SIM2: variants seen among roughly 807,000 people sequenced by gnomAD.
The protein encoded by SIM2 is single-minded homolog 2.
SIM2 carries 28 observed loss-of-function variants against 64.8 expected under a neutral mutation model. That is an observed-to-expected ratio of 0.43 (90% CI 0.32 to 0.59). SIM2 has a LOEUF of 0.59. Among genes scored for constraint, SIM2 ranks in the 20% least tolerant of loss-of-function variants. The probability of loss-of-function intolerance (pLI) is 0.07; values close to 1 mark genes in which losing one functional copy is unlikely to be tolerated. For missense variants in SIM2, 847 were observed against 871.4 expected, an observed-to-expected ratio of 0.97 and a Z score of 0.35; for synonymous variants, 408 against 391.1, an observed-to-expected ratio of 1.04 and a Z score of -0.51.
chr21:36,744,185 C>CAGTG (rs1027947429), intron 9 of SIM2, among the ~76,000 whole-genome samples: 1 of 151,934 alleles, frequency 6.6e-6, no homozygotes, highest in African/African-American at 2.4e-5. Context: ...TGAGCTGAGA[C>CAGTG]AGTGCCACTG....
At chr21:36,708,151 C>T (rs1472934769) in intron 1 of SIM2, among the ~76,000 whole-genome samples, 1 of 152,230 alleles carries the variant, frequency 6.6e-6, no homozygotes, top group Non-Finnish European at 1.5e-5. Flanking sequence ...CCACCAGCCA[C>T]GGCGCTTAGT....
Position 36,747,811 on chromosome 21 carries a change from C to G in SIM2, c.1723C>G (p.Arg575Gly). 3.9e-6 allele frequency: 4 copies of G among 1,032,074 alleles called. No individual in the cohort carries two copies. Among genetic ancestry groups the G allele is most frequent in the Non-Finnish European group, 4.6e-6 (4 of 863,990 alleles). The allele number at this position is 1,032,074 out of a possible 1,614,324, so 63.9% of individuals were successfully genotyped here. ...GGACGGGGCGCGGCTGGCGCTGGCC[C>G]GCGCGGCACCCGAGTGCTGCGCGCC... ...ARDGARLALA[R>G]AAPECCAPPT... The change falls in exon 11 of 11, where the codon CGC (arginine) becomes GGC (glycine). Residue 575 changes from arginine (R) to glycine (G), a missense_variant. Around this residue, in one of 3 missense-constraint regions of SIM2, gnomAD observed 447 missense variants for 414.6 expected, o/e 1.08. Transcript: ENST00000290399. The surrounding 1 kb of genome is among the most constrained non-coding windows in gnomAD (Gnocchi z 4.5).
intron 7 of SIM2, among the ~76,000 whole-genome samples, chr21:36,732,745 C>T (rs547242991): frequency 6.6e-6 from 1 of 152,160 alleles, no homozygotes; most frequent in African/African-American, 2.4e-5. Flanking sequence ...GCTTAGTGTT[C>T]GGATGGAACT....
intron 6 of SIM2, 100 bp from the exon 7 acceptor site, chr21:36,730,945 G>A (rs2088958566): frequency 3.7e-6 from 3 of 805,932 alleles, no homozygotes; most frequent in African/African-American, 1.7e-5. Context: ...TTTCCCGCCT[G>A]AGCCTTTTAG....
At position 36,699,175 on chromosome 21, in the gene SIM2, G is replaced by C. The variant is rs1400162104; in HGVS notation, c.-572G>C. 1 of 151,322 alleles carries C rather than the reference G, an allele frequency of 6.6e-6. No homozygotes were observed. The highest frequency in any genetic ancestry group is 1.5e-5 in the Non-Finnish European group (1 of 67,798). 9.4% of individuals were successfully genotyped at this position (151,322 alleles called of 1,614,324 possible). A position where few individuals can be genotyped will look rare whatever the true frequency, so the allele number is the denominator to read the frequency against. ...GAGGTGCTGCGCCTAGCCACACATC[G>C]CGGGCTCCGGCGCTGCGTCTCCAGG... On this transcript the variant is annotated 5_prime_UTR_variant, in exon 1 of 11. Coordinates refer to ENST00000290399, the MANE Select transcript of SIM2 (RefSeq NM_005069.6). This position sits in a 1 kb window ranked among gnomAD's most constrained non-coding sequence, Gnocchi z 5.6.
In SIM2 at chr21:36,748,515, G is replaced by C. The variant is rs1257860042; in HGVS notation, c.*423G>C. ...CTCTTCCAAGTGGACGGCAGACCTG[G>C]GAGGGGACGCCTGTGTCACGAGCCC... On this transcript the variant is annotated 3_prime_UTR_variant, in exon 11 of 11. Coordinates refer to ENST00000290399, the MANE Select transcript of SIM2 (RefSeq NM_005069.6). 1 of 152,408 alleles carries C rather than the reference G, an allele frequency of 6.6e-6. No homozygotes were observed. The highest frequency in any genetic ancestry group is 2.4e-5 in the African/African-American group (1 of 41,492). 9.4% of individuals were successfully genotyped at this position (152,408 alleles called of 1,614,324 possible).
At position 36,749,768 on chromosome 21, in the gene SIM2, A is replaced by G. The variant is rs1427129972; in HGVS notation, c.*1676A>G. 6.6e-6 allele frequency: 1 copy of G among 152,140 alleles called. No individual in the cohort carries two copies. Among genetic ancestry groups the G allele is most frequent in the Non-Finnish European group, 1.5e-5 (1 of 68,028 alleles). The allele number at this position is 152,140 out of a possible 1,614,324, so 9.4% of individuals were successfully genotyped here. On this transcript the variant is annotated 3_prime_UTR_variant, in exon 11 of 11. Transcript: ENST00000290399. ...TTGATTACTAGGAGATACCACCGAC[A>G]TTTTTCAATAAAGTACTGCAAAATG...
At chr21:36,706,571 C>T (rs1013282314) in intron 1 of SIM2, among the ~76,000 whole-genome samples, 1 of 152,240 alleles carries the variant, frequency 6.6e-6, no homozygotes, top group South Asian at 2.1e-4. Context: ...GCCTCACTTT[C>T]GTGGGAGTGT....
intron 1 of SIM2, among the ~76,000 whole-genome samples, chr21:36,707,792 C>T (rs2088606558): frequency 6.6e-6 from 1 of 151,812 alleles, no homozygotes. Context: ...CCACTCGTGG[C>T]TGCCCGCTTG....
At position 36,749,218 on chromosome 21, in the gene SIM2, C is replaced by G. The variant is rs924408863; in HGVS notation, c.*1126C>G. On this transcript the variant is annotated 3_prime_UTR_variant, in exon 11 of 11. Transcript: ENST00000290399. ...TTTTATGGGTTTTGCTTAAAGATCT[C>G]AACATGGAAAAATCCTGTCATGGCT... The G allele has an allele frequency of 6.6e-5, 10 of 152,640 alleles. No homozygotes were observed. The highest frequency in any genetic ancestry group is 2.4e-4 in the African/African-American group (10 of 41,438). The allele number at this position is 152,640 out of a possible 1,614,324, so 9.5% of individuals were successfully genotyped here.
intron 1 of SIM2, among the ~76,000 whole-genome samples, chr21:36,702,153 A>G (rs1386156207): frequency 6.6e-6 from 1 of 152,108 alleles, no homozygotes; most frequent in African/African-American, 2.4e-5. Context: ...GTCTCCAGGC[A>G]TTTGGGCTCA....
chr21:36,700,667 T>C (rs2088478858), intron 1 of SIM2, among the ~76,000 whole-genome samples: 1 of 152,174 alleles, frequency 6.6e-6, no homozygotes, highest in South Asian at 2.1e-4. Flanking sequence ...CACTGCAGGC[T>C]GAGGCCACAG....
intron 1 of SIM2, among the ~76,000 whole-genome samples, chr21:36,705,627 G>A (rs943941974): frequency 1.3e-5 from 2 of 152,224 alleles, no homozygotes; most frequent in Non-Finnish European, 2.9e-5. Context: ...AGATCAGACC[G>A]AGGAGACGGG....
intron 7 of SIM2, among the ~76,000 whole-genome samples, chr21:36,737,000 C>A (rs963373303): frequency 6.6e-6 from 1 of 152,032 alleles, no homozygotes; most frequent in Non-Finnish European, 1.5e-5. Context: ...GGTCGGAGCT[C>A]ACTCTAACCT....
intron 7 of SIM2, among the ~76,000 whole-genome samples, chr21:36,732,040 G>A (rs572891807): frequency 3.0e-4 from 46 of 152,164 alleles, no homozygotes; most frequent in African/African-American, 8.9e-4. Context: ...ATGCCACCAC[G>A]CCTGGCTAAT....
chr21:36,728,201 C>G (rs1199640070), intron 6 of SIM2, among the ~76,000 whole-genome samples: 1 of 152,172 alleles, frequency 6.6e-6, no homozygotes, highest in Non-Finnish European at 1.5e-5. Context: ...CATCAGCTGC[C>G]CAAAGTCATT....
Position 36,741,836 on chromosome 21 carries a change from T to C in SIM2, c.970T>C (p.Cys324Arg), listed in dbSNP as rs1389950972. 1 of 1,603,692 alleles carries C rather than the reference T, an allele frequency of 6.2e-7. No homozygotes were observed. Residue 324 changes from cysteine to arginine, a missense_variant, in exon 8 of 11, where the codon TGC (cysteine) becomes CGC (arginine). By Grantham distance (180) the Cys-to-Arg change is radical (BLOSUM62 -3). Around this residue, in one of 3 missense-constraint regions of SIM2, gnomAD observed 397 missense variants for 439.2 expected, o/e 0.90. Transcript: ENST00000290399. ...CAACAGCCGCTCGTCCCGGCCCCAC[T>C]GCATCGTGAGTGTCAATTATGTACT... Reference protein sequence around the residue: ...VHNSRSSRPHCIVSVNYVLTE... With the variant: ...VHNSRSSRPHRIVSVNYVLTE...
intron 7 of SIM2, among the ~76,000 whole-genome samples, chr21:36,740,213 T>C (rs1165022865): frequency 6.6e-6 from 1 of 151,982 alleles, no homozygotes; most frequent in East Asian, 1.9e-4. Flanking sequence ...CCAGAACGTT[T>C]TCATCATCCC....
chr21:36,732,754 C>G (rs540932604), intron 7 of SIM2, among the ~76,000 whole-genome samples: 79 of 152,352 alleles, frequency 5.2e-4, no homozygotes, highest in African/African-American at 1.8e-3. Context: ...TCGGATGGAA[C>G]TTCTCCGTCG....
Sources: allele counts gnomAD v4.1 joint callset (sites outside exome capture counted in the v4.1 genomes callset), GRCh38; gene constraint gnomAD v4.1.1; regional missense constraint gnomAD v4.1.1; non-coding constraint Gnocchi (gnomAD v3.1); transcripts MANE v1.5; gene names NCBI Gene and HGNC (gene_info 2026-07-23, HGNC 2026-07-21).